The following GPR158 variants were observed in gnomAD, a reference collection of about 807,000 sequenced individuals.
GPR158 encodes the protein metabotropic glycine receptor.
In GPR158, 30 loss-of-function variants were observed where a neutral mutation model predicts 78.2. The ratio of observed to expected loss-of-function variants is 0.38; its 90% CI spans 0.29 to 0.52. The LOEUF (loss-of-function observed/expected upper bound fraction) is 0.52, where lower values mean the gene tolerates loss of function less well. Among genes scored for constraint, GPR158 ranks in the 20% least tolerant of loss-of-function variants. The probability of loss-of-function intolerance (pLI) is 0.83; values close to 1 mark genes in which losing one functional copy is unlikely to be tolerated. For missense variants in GPR158, 1,463 were observed against 1,523.5 expected, an observed-to-expected ratio of 0.96 and a Z score of 0.66; for synonymous variants, 581 against 591.1, an observed-to-expected ratio of 0.98 and a Z score of 0.25.
intron 2 of GPR158, among the ~76,000 whole-genome samples, chr10:25,229,088 G>C (rs938264902): frequency 6.6e-6 from 1 of 151,894 alleles, no homozygotes; most frequent in African/African-American, 2.4e-5. Flanking sequence ...TTTGTAAGAG[G>C]AGGGTAGATT....
At chr10:25,529,732 G>C (rs1418910171) in intron 5 of GPR158, among the ~76,000 whole-genome samples, 3 of 152,168 alleles carry the variant, frequency 2.0e-5, no homozygotes, top group African/African-American at 7.2e-5. Flanking sequence ...ACTATGCCTT[G>C]GCCTGAGAAA....
chr10:25,338,995 G>A (rs1471681052), intron 2 of GPR158, among the ~76,000 whole-genome samples: 2 of 148,772 alleles, frequency 1.3e-5, no homozygotes, highest in Non-Finnish European at 3.0e-5. Flanking sequence ...TTATTTCTAA[G>A]TTAGGTTTCT....
chr10:25,497,715 A>G (rs991100928), intron 5 of GPR158, among the ~76,000 whole-genome samples: 2 of 152,198 alleles, frequency 1.3e-5, no homozygotes, highest in Non-Finnish European at 2.9e-5. Context: ...AAGAAGGGAT[A>G]AATAATCTCT....
At chr10:25,430,123 G>C (rs1052891752) in intron 4 of GPR158, among the ~76,000 whole-genome samples, 7 of 151,826 alleles carry the variant, frequency 4.6e-5, no homozygotes, top group African/African-American at 1.7e-4. Context: ...CACTGTCTCA[G>C]CCCAAAATCT....
At chr10:25,576,970 CAAA>C (rs765153642) in intron 7 of GPR158, among the ~76,000 whole-genome samples, 4 of 113,744 alleles carry the variant, frequency 3.5e-5, no homozygotes, top group Non-Finnish European at 5.6e-5. Context: ...ACAGTGTTCT[CAAA>C]AAAAAAAAAA....
intron 7 of GPR158, among the ~76,000 whole-genome samples, chr10:25,574,996 G>A (rs1010740216): frequency 6.6e-6 from 1 of 151,858 alleles, no homozygotes; most frequent in African/African-American, 2.4e-5. Context: ...GAACCTGGAA[G>A]GTGGAGATTG....
chr10:25,591,665 A>AG (rs777820019), intron 8 of GPR158, among the ~76,000 whole-genome samples: 13 of 152,132 alleles, frequency 8.5e-5, no homozygotes, highest in Non-Finnish European at 1.6e-4. Context: ...AAGACTAACT[A>AG]GCTTGGTAGG....
At chr10:25,277,100 C>T (rs1269219333) in intron 2 of GPR158, among the ~76,000 whole-genome samples, 2 of 151,924 alleles carry the variant, frequency 1.3e-5, no homozygotes, top group Non-Finnish European at 2.9e-5. Flanking sequence ...CAGACACATG[C>T]CACCATGCCT....
chr10:25,365,986 C>A (rs906824872), intron 2 of GPR158, among the ~76,000 whole-genome samples: 3 of 151,510 alleles, frequency 2.0e-5, no homozygotes, highest in African/African-American at 7.3e-5. Context: ...TATAATTTAG[C>A]ATATATGACT....
chr10:25,571,410 A>C (rs1269568686), intron 6 of GPR158, among the ~76,000 whole-genome samples: 2 of 152,234 alleles, frequency 1.3e-5, no homozygotes, highest in African/African-American at 4.8e-5. Context: ...AGCATAGTAC[A>C]TCTAGGCTAT....
At chr10:25,273,496 C>T (rs752834855) in intron 2 of GPR158, among the ~76,000 whole-genome samples, 6 of 141,368 alleles carry the variant, frequency 4.2e-5, no homozygotes, top group Non-Finnish European at 9.0e-5. Flanking sequence ...ATACTTTAAA[C>T]GTATTTTTCA....
chr10:25,506,496 A>G (rs1836015779), intron 5 of GPR158, among the ~76,000 whole-genome samples: 1 of 152,230 alleles, frequency 6.6e-6, no homozygotes, highest in African/African-American at 2.4e-5. Flanking sequence ...GAAGCATTCT[A>G]TTATATTTTG....
intron 2 of GPR158, among the ~76,000 whole-genome samples, chr10:25,321,642 AAAATAAACAAAC>A (rs200950709): frequency 0.022 from 1,828 of 83,968 alleles, 47 homozygotes; most frequent in African/African-American, 0.085. Context: ...ACCCTCCTTT[AAAATAAACAAAC>A]AAACAAACAA....
chr10:25,370,129 C>G (rs1056112724), intron 2 of GPR158, among the ~76,000 whole-genome samples: 2 of 89,520 alleles, frequency 2.2e-5, no homozygotes, highest in Non-Finnish European at 5.9e-5. Flanking sequence ...CTCCTGGATT[C>G]GTTAATTTTT....
chr10:25,197,045 G>T (rs1852853573), intron 1 of GPR158, among the ~76,000 whole-genome samples: 1 of 152,128 alleles, frequency 6.6e-6, no homozygotes, highest in Non-Finnish European at 1.5e-5. Flanking sequence ...TCTCTGGTCA[G>T]GTACTTCTCC....
chr10:25,464,684 C>A (rs569912068), intron 4 of GPR158, among the ~76,000 whole-genome samples: 1 of 152,200 alleles, frequency 6.6e-6, no homozygotes, highest in African/African-American at 2.4e-5. Flanking sequence ...TCTTCTTCAT[C>A]GTACCTTGCA....
chr10:25,579,866 A>G (rs1410566278), intron 7 of GPR158, among the ~76,000 whole-genome samples: 1 of 152,180 alleles, frequency 6.6e-6, no homozygotes, highest in Non-Finnish European at 1.5e-5. Flanking sequence ...CTAGGCTTCT[A>G]TTCATCCTCT....
At chr10:25,424,687 T>C (rs1355368850) in intron 4 of GPR158, among the ~76,000 whole-genome samples, 1 of 151,866 alleles carries the variant, frequency 6.6e-6, no homozygotes, top group Non-Finnish European at 1.5e-5. Context: ...AAAGATCAGA[T>C]GGTTGTAGAT....
At chr10:25,521,056 A>T (rs982643618) in intron 5 of GPR158, among the ~76,000 whole-genome samples, 3 of 152,190 alleles carry the variant, frequency 2.0e-5, no homozygotes, top group African/African-American at 7.2e-5. Flanking sequence ...GGTGTGGGAT[A>T]TAGTCTCGTG....
Sources: allele counts gnomAD v4.1 joint callset (sites outside exome capture counted in the v4.1 genomes callset), GRCh38; gene constraint gnomAD v4.1.1; transcripts MANE v1.5; gene names NCBI Gene and HGNC (gene_info 2026-07-23, HGNC 2026-07-21).